MYT1L: variants seen among roughly 807,000 people sequenced by gnomAD.
The protein encoded by MYT1L is myelin transcription factor 1-like protein.
Under a neutral mutation model 126.7 loss-of-function variants are expected in MYT1L, and 12 were observed. That is an observed-to-expected ratio of 0.09 (90% CI 0.06 to 0.15). The LOEUF (loss-of-function observed/expected upper bound fraction) is 0.15. Among genes scored for constraint, MYT1L ranks in the 10% least tolerant of loss-of-function variants. The pLI, the probability that MYT1L is intolerant of heterozygous loss-of-function variation, is 1.00. For missense variants in MYT1L, 979 were observed against 1,585.2 expected (o/e 0.62, Z 6.49); for synonymous variants, 541 against 604.2 (o/e 0.90, Z 1.53).
At chr2:2,190,798 T>G (rs2092548862) in intron 2 of MYT1L, among the ~76,000 whole-genome samples, 1 of 152,116 alleles carries the variant, frequency 6.6e-6, no homozygotes, top group Non-Finnish European at 1.5e-5. Context: ...CAGGGTGGTG[T>G]TTTTAAGACA....
At chr2:2,248,549 A>C (rs1193417021) in intron 2 of MYT1L, among the ~76,000 whole-genome samples, 1 of 152,084 alleles carries the variant, frequency 6.6e-6, no homozygotes, top group African/African-American at 2.4e-5. Flanking sequence ...TACCCTGACA[A>C]CACCACCAAA....
chr2:1,925,152 G>A (rs148116592), intron 9 of MYT1L, among the ~76,000 whole-genome samples: 5 of 152,192 alleles, frequency 3.3e-5, no homozygotes, highest in African/African-American at 1.2e-4. Flanking sequence ...TTTGAAAGTT[G>A]AGTCAAAGAA....
chr2:1,824,600 C>T (rs961077344), intron 21 of MYT1L: 12 of 152,194 alleles, frequency 7.9e-5, no homozygotes, highest in African/African-American at 2.2e-4. Context: ...AGGGTGGCGC[C>T]GGGACGCCGC....
At chr2:2,254,544 T>G (rs1402404263) in intron 2 of MYT1L, among the ~76,000 whole-genome samples, 1 of 152,220 alleles carries the variant, frequency 6.6e-6, no homozygotes, top group Non-Finnish European at 1.5e-5. Context: ...CAGTGGTTGT[T>G]GTGAAGATTA....
chr2:2,218,952 G>C (rs2093772441), intron 2 of MYT1L, among the ~76,000 whole-genome samples: 1 of 152,170 alleles, frequency 6.6e-6, no homozygotes, highest in Non-Finnish European at 1.5e-5. Flanking sequence ...CCAAAAGACA[G>C]AGCCTTTCAT....
intron 18 of MYT1L, among the ~76,000 whole-genome samples, chr2:1,868,856 G>A (rs2045924985): frequency 6.6e-6 from 1 of 152,230 alleles, no homozygotes; most frequent in African/African-American, 2.4e-5. Context: ...AGCGCTGCCA[G>A]GCACCGAGGA....
At chr2:1,927,950 A>G (rs2054455185) in intron 9 of MYT1L, among the ~76,000 whole-genome samples, 1 of 152,092 alleles carries the variant, frequency 6.6e-6, no homozygotes. Context: ...TAAACCATCT[A>G]TATATTTCTT....
chr2:1,965,791 C>G (rs1217727708), intron 8 of MYT1L, among the ~76,000 whole-genome samples: 1 of 152,240 alleles, frequency 6.6e-6, no homozygotes, highest in African/African-American at 2.4e-5. Flanking sequence ...CAGGGGGATG[C>G]ACAGATGCCC....
At chr2:1,870,474 T>C (rs2046142775) in intron 18 of MYT1L, among the ~76,000 whole-genome samples, 1 of 151,894 alleles carries the variant, frequency 6.6e-6, no homozygotes, top group Non-Finnish European at 1.5e-5. Flanking sequence ...CCATAGAGGG[T>C]CGGTCTGCTG....
intron 3 of MYT1L, among the ~76,000 whole-genome samples, chr2:2,157,651 C>T (rs145000798): frequency 1.8e-4 from 27 of 152,300 alleles, no homozygotes; most frequent in African/African-American, 5.3e-4. Flanking sequence ...CATTGAGACA[C>T]GCCTCCTGGG....
intron 9 of MYT1L, among the ~76,000 whole-genome samples, chr2:1,925,503 C>T (rs754887603): frequency 2.0e-5 from 3 of 152,134 alleles, no homozygotes; most frequent in Non-Finnish European, 4.4e-5. Context: ...TACATCTCAC[C>T]TTTTTGATAA....
At chr2:2,093,180 T>A (rs376257921) in intron 3 of MYT1L, among the ~76,000 whole-genome samples, 60 of 152,086 alleles carry the variant, frequency 3.9e-4, no homozygotes, top group African/African-American at 1.4e-3. Flanking sequence ...CAAATCTTTT[T>A]AAAAAAGATT....
intron 1 of MYT1L, chr2:2,327,236 C>G (rs565216837): frequency 3.3e-5 from 5 of 152,156 alleles, no homozygotes; most frequent in African/African-American, 9.6e-5. Context: ...GACACTGCCC[C>G]CAACCACACA....
intron 1 of MYT1L, among the ~76,000 whole-genome samples, chr2:2,309,409 G>A (rs974208878): frequency 6.6e-6 from 1 of 151,006 alleles, no homozygotes; most frequent in African/African-American, 2.4e-5. Context: ...CTACACTTTA[G>A]TATACCTTCT....
At chr2:2,212,995 C>A (rs564838053) in intron 2 of MYT1L, among the ~76,000 whole-genome samples, 1 of 152,186 alleles carries the variant, frequency 6.6e-6, no homozygotes, top group Admixed American at 6.5e-5. Flanking sequence ...GGGAGAGGCA[C>A]AGAGTGGACT....
At chr2:2,171,112 A>C (rs2089993741) in intron 3 of MYT1L, among the ~76,000 whole-genome samples, 1 of 152,290 alleles carries the variant, frequency 6.6e-6, no homozygotes, top group East Asian at 1.9e-4. Flanking sequence ...GGCAGTCTCC[A>C]GGGCAAAGCA....
chr2:2,155,736 C>T (rs1295500867), intron 3 of MYT1L, among the ~76,000 whole-genome samples: 3 of 152,182 alleles, frequency 2.0e-5, no homozygotes, highest in East Asian at 3.8e-4. Flanking sequence ...CGGGGGGATG[C>T]TGGACGTCCT....
chr2:1,908,331 G>A (rs2051389639), intron 13 of MYT1L, among the ~76,000 whole-genome samples: 1 of 152,176 alleles, frequency 6.6e-6, no homozygotes, highest in Non-Finnish European at 1.5e-5. Context: ...TCCCCACTCT[G>A]TGCTGGCCCC....
intron 2 of MYT1L, among the ~76,000 whole-genome samples, chr2:2,179,275 CA>C (rs1204563696): frequency 2.0e-5 from 3 of 152,182 alleles, no homozygotes; most frequent in African/African-American, 7.2e-5. Flanking sequence ...GGCAAATGCC[CA>C]GATAAATCCC....
Sources: allele counts gnomAD v4.1 joint callset (sites outside exome capture counted in the v4.1 genomes callset), GRCh38; gene constraint gnomAD v4.1.1; transcripts MANE v1.5; gene names NCBI Gene and HGNC (gene_info 2026-07-23, HGNC 2026-07-21).